Variants in A1CF observed in about 807,000 individuals in gnomAD.
A1CF encodes the protein APOBEC-1 stimulating protein.
A neutral mutation model predicts 68.9 loss-of-function variants in A1CF; 48 were observed. The observed-to-expected ratio is 0.70, with a 90% CI of 0.55 to 0.89. A1CF has a LOEUF of 0.89. Ranked by LOEUF, A1CF falls within the 40% of genes least tolerant of loss-of-function variation. The pLI is 0.00. For missense variants in A1CF, 653 were observed against 718.9 expected, an observed-to-expected ratio of 0.91 and a Z score of 1.05; for synonymous variants, 272 against 260.4, an observed-to-expected ratio of 1.04 and a Z score of -0.43.
At chr10:50,835,558 A>T (rs1034774880) in intron 6 of A1CF, among the ~76,000 whole-genome samples, 1 of 152,186 alleles carries the variant, frequency 6.6e-6, no homozygotes, top group Non-Finnish European at 1.5e-5. Flanking sequence ...CTGTGGTTGT[A>T]ATAACTAACA....
intron 7 of A1CF, chr10:50,824,300 T>C (rs1213358810): frequency 1.3e-5 from 2 of 152,144 alleles, no homozygotes; most frequent in Non-Finnish European, 2.9e-5. Flanking sequence ...CTGGGAAAGC[T>C]GATAATCAGG....
intron 1 of A1CF, among the ~76,000 whole-genome samples, chr10:50,884,589 T>G (rs1841923094): frequency 6.6e-6 from 1 of 152,212 alleles, no homozygotes; most frequent in African/African-American, 2.4e-5. Context: ...AAACTATAAC[T>G]AGAGCTGAAT....
At chr10:50,866,294 T>C (rs1029913409) in intron 1 of A1CF, among the ~76,000 whole-genome samples, 2 of 152,216 alleles carry the variant, frequency 1.3e-5, no homozygotes, top group Non-Finnish European at 2.9e-5. Flanking sequence ...CTTTTCTATC[T>C]CTTTCTGGTT....
chr10:50,839,437 A>G (rs772664269), intron 5 of A1CF, among the ~76,000 whole-genome samples: 3 of 152,210 alleles, frequency 2.0e-5, no homozygotes, highest in Non-Finnish European at 4.4e-5. Context: ...GCACTTTAGT[A>G]TATATTCTTT....
chr10:50,816,340 G>A, intron 8 of A1CF, 61 bp from the exon 9 acceptor site: 1 of 1,550,602 alleles, frequency 6.4e-7, no homozygotes. Flanking sequence ...AAGTGTGGCT[G>A]AGCCCTAATA....
At chr10:50,860,091 T>C in intron 2 of A1CF, 106 bp from the exon 3 acceptor site, 1 of 630,444 alleles carries the variant, frequency 1.6e-6, no homozygotes, top group Non-Finnish European at 2.8e-6. Flanking sequence ...AATGCGTCAT[T>C]AAAGTTAGAG....
At position 50,854,563 on chromosome 10, in the gene A1CF, A is replaced by G. The variant is rs1840392315; in HGVS notation, c.99+5279T>C. On this transcript the variant is annotated intron_variant, in intron 3 of 12. Coordinates refer to ENST00000373997, the MANE Select transcript of A1CF (RefSeq NM_014576.4). ...AGAGCATTGTCAATTTTAAGGCTCTATATAGAAAATGCTGATCTTTTTGGT... is the reference window on the plus strand; with the variant it reads ...AGAGCATTGTCAATTTTAAGGCTCTGTATAGAAAATGCTGATCTTTTTGGT... Among the ~76,000 whole-genome samples, 4 of 152,062 alleles carry G rather than the reference A, an allele frequency of 2.6e-5. No individual in the cohort carries two copies. The South Asian group carries it at 8.3e-4, about 31-fold the overall frequency.
intron 3 of A1CF, among the ~76,000 whole-genome samples, chr10:50,845,712 G>C (rs547698776): frequency 6.6e-6 from 1 of 152,208 alleles, no homozygotes; most frequent in African/African-American, 2.4e-5. Flanking sequence ...CCAGCACTTT[G>C]GGAGGCTGAG....
chr10:50,810,437 G>C (rs552134602), intron 11 of A1CF, among the ~76,000 whole-genome samples: 58 of 152,300 alleles, frequency 3.8e-4, no homozygotes, highest in Admixed American at 3.7e-3. Context: ...TAAAATGGTA[G>C]TTTCATATGC....
chr10:50,867,604 T>C (rs1564531309), intron 1 of A1CF, among the ~76,000 whole-genome samples: 1 of 152,146 alleles, frequency 6.6e-6, no homozygotes, highest in African/African-American at 2.4e-5. Context: ...ATTTGGATGA[T>C]GGATACCCTA....
intron 5 of A1CF, among the ~76,000 whole-genome samples, chr10:50,839,744 T>G (rs1399673726): frequency 1.3e-5 from 2 of 149,314 alleles, no homozygotes; most frequent in Admixed American, 1.3e-4. Context: ...GGCTAAGGCG[T>G]TGTTTGTTTG....
chr10:50,816,029 A>G lies in A1CF; in HGVS notation c.1118T>C (p.Ile373Thr), dbSNP rs765438917. The change falls in exon 9 of 13, where the codon ATT (isoleucine) becomes ACT (threonine). Residue 373 changes from isoleucine (I) to threonine (T), a missense_variant. Transcript: ENST00000373997. ...ATKGHLSNRA[I>T]IRAPSVRGAA... Reference sequence around the variant, plus strand: ...ACCTCTAACAGAAGGGGCTCGGATAATGGCTCTGTTGCTGAGATGTCCTTT... The same window carrying G: ...ACCTCTAACAGAAGGGGCTCGGATAGTGGCTCTGTTGCTGAGATGTCCTTT... 6.2e-7 allele frequency: 1 copy of G among 1,613,726 alleles called. No homozygotes were observed. Among genetic ancestry groups the G allele is most frequent in the Non-Finnish European group, 8.5e-7 (1 of 1,179,746 alleles).
At chr10:50,859,801 A>G in intron 3 of A1CF, 41 bp downstream of exon 3, 1 of 1,554,774 alleles carries the variant, frequency 6.4e-7, no homozygotes, top group Non-Finnish European at 8.9e-7. Flanking sequence ...ACCACTGTGC[A>G]AATTCAGTGG....
chr10:50,826,260 A>G (rs1484718362), intron 7 of A1CF, among the ~76,000 whole-genome samples: 1 of 152,144 alleles, frequency 6.6e-6, no homozygotes, highest in East Asian at 1.9e-4. Flanking sequence ...GTATGCAATT[A>G]TAATATTGAT....
chr10:50,883,139 G>A lies in A1CF; in HGVS notation c.-94+2442C>T, dbSNP rs12258558. Among the ~76,000 whole-genome samples the A allele has an allele frequency of 9.1e-3, 1,378 of 152,206 alleles. 25 individuals are homozygous for A. The highest frequency in any genetic ancestry group is 0.031 in the African/African-American group (1,304 of 41,522). ...ACAGTTTGTGATTTCAACTTTATTA[G>A]TATTGTTTTGAAAAACAAGGCCTAA... is the stretch of plus-strand genomic sequence containing the variant. On this transcript the variant is annotated intron_variant, in intron 1 of 12. Transcript: ENST00000373997.
At chr10:50,838,181 C>T (rs1290645346) in intron 5 of A1CF, among the ~76,000 whole-genome samples, 3 of 152,106 alleles carry the variant, frequency 2.0e-5, no homozygotes, top group South Asian at 2.1e-4. Context: ...ATCCATGGAG[C>T]GAATGGCTCT....
At chr10:50,809,457 C>T (rs951134921) in intron 12 of A1CF, among the ~76,000 whole-genome samples, 2 of 151,994 alleles carry the variant, frequency 1.3e-5, no homozygotes, top group African/African-American at 4.8e-5. Flanking sequence ...ATTTGTATAC[C>T]AGACTTTCTG....
intron 8 of A1CF, 26 bp from the exon 9 acceptor site, chr10:50,816,305 A>G (rs1205592122): frequency 6.2e-7 from 1 of 1,608,918 alleles, no homozygotes; most frequent in East Asian, 2.2e-5. Context: ...AAGAAATATC[A>G]ACGCGAGATG....
chr10:50,850,903 C>T, intron 3 of A1CF: 3 of 1,387,596 alleles, frequency 2.2e-6, no homozygotes, highest in South Asian at 3.0e-5. Flanking sequence ...ATAGGCCCAT[C>T]TAACTTTTTT....
Sources: gnomAD v4.1 joint callset for allele counts (sites outside exome capture counted in the v4.1 genomes callset) on GRCh38, gnomAD v4.1.1 for gene constraint, MANE v1.5 for transcripts, NCBI Gene and HGNC (gene_info 2026-07-23, HGNC 2026-07-21) for gene names.